PRRT3: variants seen among roughly 807,000 people sequenced by gnomAD.
PRRT3 encodes proline-rich transmembrane protein 3.
Under a neutral mutation model 56.6 loss-of-function variants are expected in PRRT3, and 48 were observed. The ratio of observed to expected loss-of-function variants is 0.85; its 90% CI spans 0.67 to 1.08. The LOEUF is 1.08. PRRT3 is among the 50% of genes least tolerant of loss of function. The probability of loss-of-function intolerance (pLI) is 0.00; values close to 1 mark genes in which losing one functional copy is unlikely to be tolerated. For synonymous variants in PRRT3, 641 were observed against 619.1 expected (o/e 1.04, Z -0.52); for missense variants, 1,370 against 1,353.1 (o/e 1.01, Z -0.20).
At position 9,946,412 on chromosome 3, in the gene PRRT3, G is replaced by A. The variant is rs927770177; in HGVS notation, c.2761C>T (p.His921Tyr). 1.2e-6 allele frequency: 2 copies of A among 1,605,224 alleles called. No individual in the cohort carries two copies. The highest frequency in any genetic ancestry group is 1.3e-5 in the African/African-American group (1 of 74,758). Residue 921 changes from histidine (H) to tyrosine (Y), a missense_variant, in exon 4 of 4, where the codon CAC becomes TAC. His to Tyr is a moderately conservative substitution (Grantham distance 83, BLOSUM62 2). Transcript: ENST00000412055. The surrounding 1 kb of genome is among the most constrained non-coding windows in gnomAD (Gnocchi z 4.1). The part of the protein sequence containing the change: ...SLKISWNPWR[H>Y]GLSSVDSLPL... ...AGACTGTCCACTGATGACAGCCCGT[G>A]GCGCCAGGGGTTCCAACTGATCTTG...
rs772644174 is a variant in PRRT3, at chr3:9,946,485, G to T, written c.2688C>A (p.Ala896=). ...QHVVEAPDGA[A]AAASGSSLDS... is the part of the protein sequence containing the mutation. ...CGAGGGAGCTGCCAGAAGCCGCAGC[G>T]GCTGCCCCGTCGGGTGCTTCCACTA... is the stretch of plus-strand genomic sequence containing the variant. The change falls in exon 4 of 4, where the codon GCC becomes GCA. Residue 896 remains alanine (A), a synonymous_variant. Coordinates refer to ENST00000412055, the MANE Select transcript of PRRT3 (RefSeq NM_207351.5). This position sits in a 1 kb window ranked among gnomAD's most constrained non-coding sequence, Gnocchi z 4.1. 3.2e-6 allele frequency: 5 copies of T among 1,551,642 alleles called. No homozygotes were observed. In the African/African-American group the frequency reaches 5.5e-5, roughly 17 times the overall value.
chr3:9,946,277 C>G lies in PRRT3; in HGVS notation c.2896G>C (p.Gly966Arg), dbSNP rs968452753. The change falls in exon 4 of 4, where the codon GGC becomes CGC. Residue 966 changes from glycine to arginine, a missense_variant. Gly to Arg is a moderately radical substitution (Grantham distance 125). Transcript: ENST00000412055. The surrounding 1 kb of genome is among the most constrained non-coding windows in gnomAD (Gnocchi z 4.1). Reference sequence around the variant, plus strand: ...GCGCTGCGGGATTCCCCAGGCTTGCCGCGCGGCTGGACCTCTCCCTGGCCG... The same window carrying G: ...GCGCTGCGGGATTCCCCAGGCTTGCGGCGCGGCTGGACCTCTCCCTGGCCG... Reference protein sequence around the residue: ...GDGQGEVQPRGKPGESRSASS... With the variant: ...GDGQGEVQPRRKPGESRSASS... 3.1e-6 allele frequency: 5 copies of G among 1,612,542 alleles called. No individual in the cohort carries two copies. The African/African-American group carries it at 5.3e-5, about 17-fold the overall frequency.
chr3:9,950,610 C>A (rs985686016), intron 1 of PRRT3, among the ~76,000 whole-genome samples: 2 of 152,238 alleles, frequency 1.3e-5, no homozygotes, highest in African/African-American at 4.8e-5. Flanking sequence ...TCAAGTGATT[C>A]TCCTGCCTCA....
Position 9,946,577 on chromosome 3 carries a change from A to C in PRRT3, c.2596T>G (p.Ser866Ala). 1.4e-6 allele frequency: 2 copies of C among 1,409,900 alleles called. No homozygotes were observed. Among genetic ancestry groups the C allele is most frequent in the Non-Finnish European group, 1.8e-6 (2 of 1,084,394 alleles). The allele number at this position is 1,409,900 out of a possible 1,614,324, so 87.3% of individuals were successfully genotyped here. A position where few individuals can be genotyped will look rare whatever the true frequency, so the allele number is the denominator to read the frequency against. The change falls in exon 4 of 4, where the codon TCG becomes GCG. Residue 866 changes from serine to alanine, a missense_variant. Coordinates refer to ENST00000412055, the MANE Select transcript of PRRT3 (RefSeq NM_207351.5). This position sits in a 1 kb window ranked among gnomAD's most constrained non-coding sequence, Gnocchi z 4.1. ...GACCTGCAGCGGCCGCGGAGGAGCG[A>C]GGAGCCAGCGTCGTCGAGCTCGGCT... ...PKAELDDAGS[S>A]LLRGRCRSLS...
chr3:9,949,437 C>A lies in PRRT3; in HGVS notation c.679G>T (p.Gly227Cys), dbSNP rs762073887. Residue 227 changes from glycine (G) to cysteine (C), a missense_variant, in exon 2 of 4, where the codon GGT becomes TGT. Transcript: ENST00000412055. This position sits in a 1 kb window ranked among gnomAD's most constrained non-coding sequence, Gnocchi z 4.5. Reference sequence around the variant, plus strand: ...TCCTGCAAGTGTTCCTCAAACCCACCCTGTCCTTCCAGCACTGGCCTCTTG... The same window carrying A: ...TCCTGCAAGTGTTCCTCAAACCCACACTGTCCTTCCAGCACTGGCCTCTTG... ...TVKRPVLEGQGGFEEHLQEAA... is the reference protein window; with the variant it reads ...TVKRPVLEGQCGFEEHLQEAA... The A allele has an allele frequency of 2.9e-5, 47 of 1,613,998 alleles. No individual in the cohort carries two copies. The highest frequency in any genetic ancestry group is 3.9e-5 in the Non-Finnish European group (46 of 1,180,016).
chr3:9,952,368 C>G lies in PRRT3; in HGVS notation c.-104G>C, dbSNP rs1248575463. Reference sequence around the variant, plus strand: ...TTCACCTTGCGCGCGTCCCTGCAGCCGATCGCCGCGCCGCATCCTCCGAGA... The same window carrying G: ...TTCACCTTGCGCGCGTCCCTGCAGCGGATCGCCGCGCCGCATCCTCCGAGA... On this transcript the variant is annotated 5_prime_UTR_variant, in exon 1 of 4. Transcript: ENST00000412055. 1.3e-5 allele frequency: 2 copies of G among 152,258 alleles called. No homozygotes were observed. Among genetic ancestry groups the G allele is most frequent in the East Asian group, 1.9e-4 (1 of 5,196 alleles). The allele number at this position is 152,258 out of a possible 1,614,324, so 9.4% of individuals were successfully genotyped here. A position where few individuals can be genotyped will look rare whatever the true frequency, so the allele number is the denominator to read the frequency against.
rs145287065 is a variant in PRRT3, at chr3:9,948,610, G to A, written c.1171+148C>T. ...CAGTGAGTATGAATTTATTATCCTA[G>A]GTTGTTTGAAGGAGGCCCTGGGCAA... On this transcript the variant is annotated intron_variant, in intron 3 of 3. Transcript: ENST00000412055. 5.6e-3 allele frequency: 4,645 copies of A among 831,442 alleles called. 24 individuals are homozygous for A. Among genetic ancestry groups the A allele is most frequent in the Non-Finnish European group, 7.9e-3 (4,043 of 512,080 alleles). The allele number at this position is 831,442 out of a possible 1,614,324, so 51.5% of individuals were successfully genotyped here.
chr3:9,945,665 C>T lies in PRRT3; in HGVS notation c.*562G>A, dbSNP rs1326571306. 6.5e-6 allele frequency: 1 copy of T among 153,754 alleles called. No individual in the cohort carries two copies. Among genetic ancestry groups the T allele is most frequent in the Non-Finnish European group, 1.5e-5 (1 of 68,450 alleles). 9.5% of individuals were successfully genotyped at this position (153,754 alleles called of 1,614,324 possible). On this transcript the variant is annotated 3_prime_UTR_variant, in exon 4 of 4. Transcript: ENST00000412055. ...TTCTTCATGCCCGAATCCATGCACA[C>T]CCACCCTGTATTCCGCATAAGACAC... is the stretch of plus-strand genomic sequence containing the variant.
rs1432374761 is a variant in PRRT3, at chr3:9,947,237, G to A, written c.1936C>T (p.Leu646=). The A allele has an allele frequency of 6.7e-7, 1 of 1,491,642 alleles. No homozygotes were observed. Among genetic ancestry groups the A allele is most frequent in the Non-Finnish European group, 8.9e-7 (1 of 1,128,860 alleles). 92.4% of individuals were successfully genotyped at this position (1,491,642 alleles called of 1,614,324 possible). Residue 646 remains leucine (L), a synonymous_variant, in exon 4 of 4, where the codon CTG becomes TTG. Transcript: ENST00000412055. This position sits in a 1 kb window ranked among gnomAD's most constrained non-coding sequence, Gnocchi z 9.2. ...TGCAAGCCGCTAGCCAGCAGCCCCA[G>A]CGCGCCCGCCACAGCCAACAGCCGA... ...GPRLLAVAGA[L]GLLASGLQLA...
chr3:9,950,146 C>A lies in PRRT3; in HGVS notation c.-31G>T. On this transcript the variant is annotated 5_prime_UTR_variant, in exon 2 of 4. Transcript: ENST00000412055. ...ACTCCGATGCCTGGGCCTAAAGCCCCCACCTTCCAGTCCTCACTGGATGAG... is the reference window on the plus strand; with the variant it reads ...ACTCCGATGCCTGGGCCTAAAGCCCACACCTTCCAGTCCTCACTGGATGAG... 7.2e-7 allele frequency: 1 copy of A among 1,396,624 alleles called. No individual in the cohort carries two copies. The highest frequency in any genetic ancestry group is 9.3e-7 in the Non-Finnish European group (1 of 1,069,994). The allele number at this position is 1,396,624 out of a possible 1,614,324, so 86.5% of individuals were successfully genotyped here. A position where few individuals can be genotyped will look rare whatever the true frequency, so the allele number is the denominator to read the frequency against.
At position 9,947,663 on chromosome 3, in the gene PRRT3, A is replaced by G. The variant is rs749676388; in HGVS notation, c.1510T>C (p.Leu504=). Residue 504 remains leucine (L), a synonymous_variant, in exon 4 of 4, where the codon TTG becomes CTG. Transcript: ENST00000412055. This position sits in a 1 kb window ranked among gnomAD's most constrained non-coding sequence, Gnocchi z 9.2. ...AAAPAGPRLA[L]VAAVLVLVAS... The stretch of plus-strand genomic sequence containing the variant: ...ACGAGCACCAGCACCGCGGCCACCA[A>G]TGCCAGCCGGGGCCCTGCTGGGGCG... 5 of 1,568,022 alleles carry G rather than the reference A, an allele frequency of 3.2e-6. No homozygotes were observed. Among genetic ancestry groups the G allele is most frequent in the Middle Eastern group, 1.7e-4 (1 of 5,922 alleles).
Position 9,949,145 on chromosome 3 carries a change from G to A in PRRT3, c.971C>T (p.Thr324Met), listed in dbSNP as rs560402876. ...AGGAGCCTCTGAGGCGGGTGGATCC[G>A]TGGGCTGGGGTCCTGGTGAATCCTT... Reference protein sequence around the residue: ...DAKDSPGPQPTDPPASEAPDR... With the variant: ...DAKDSPGPQPMDPPASEAPDR... The change falls in exon 2 of 4, where the codon ACG becomes ATG. Residue 324 changes from threonine (T) to methionine (M), a missense_variant. Transcript: ENST00000412055. The surrounding 1 kb of genome is among the most constrained non-coding windows in gnomAD (Gnocchi z 4.5). 2.2e-5 allele frequency: 36 copies of A among 1,611,240 alleles called. No homozygotes were observed. In the Admixed American group the frequency reaches 2.5e-4, roughly 11 times the overall value.
rs768930224 is a variant in PRRT3 at position 9,947,510 on chromosome 3, G to A, written c.1663C>T (p.Leu555=). Reference sequence around the variant, plus strand: ...CCCGCGCCCAGGCCGAGCAGAGTCAGGGCTGCCAGCGCCGTAAGCAGCAAG... The same window carrying A: ...CCCGCGCCCAGGCCGAGCAGAGTCAAGGCTGCCAGCGCCGTAAGCAGCAAG... ...FPLLLTALAA[L]TLLGLGAGLP... The change falls in exon 4 of 4, where the codon CTG becomes TTG. Residue 555 remains leucine (L), a synonymous_variant. Transcript: ENST00000412055. The surrounding 1 kb of genome is among the most constrained non-coding windows in gnomAD (Gnocchi z 9.2). 3 of 1,611,892 alleles carry A rather than the reference G, an allele frequency of 1.9e-6. No individual in the cohort carries two copies. The highest frequency in any genetic ancestry group is 2.2e-5 in the South Asian group (2 of 91,040).
rs1269932291 is a variant in PRRT3 at position 9,946,368 on chromosome 3, G to A, written c.2805C>T (p.Pro935=). 1 of 1,609,834 alleles carries A rather than the reference G, an allele frequency of 6.2e-7. No homozygotes were observed. Among genetic ancestry groups the A allele is most frequent in the Non-Finnish European group, 8.5e-7 (1 of 1,177,976 alleles). ...SVDSLPLDEL[P]STVQLLPAPT... is the part of the protein sequence containing the mutation. Reference sequence around the variant, plus strand: ...GGGCAGGCAGTAGCTGTACCGTGCTGGGCAACTCATCTAGGGGCAGACTGT... The same window carrying A: ...GGGCAGGCAGTAGCTGTACCGTGCTAGGCAACTCATCTAGGGGCAGACTGT... The change falls in exon 4 of 4, where the codon CCC becomes CCT. Residue 935 remains proline (P), a synonymous_variant. Transcript: ENST00000412055. This position sits in a 1 kb window ranked among gnomAD's most constrained non-coding sequence, Gnocchi z 4.1.
At position 9,946,839 on chromosome 3, in the gene PRRT3, C is replaced by G. The variant is rs757915265; in HGVS notation, c.2334G>C (p.Leu778Phe). 1.1e-5 allele frequency: 17 copies of G among 1,540,084 alleles called. No homozygotes were observed. In the East Asian group the frequency reaches 3.6e-4, roughly 33 times the overall value. The stretch of plus-strand genomic sequence containing the variant: ...CCGGGCCACCCTGGGGTCCGCGACC[C>G]AACGACGCAGCCGAGCCCCAGGCGC... ...SSGAWGSAAS[L>F]GRGPQGGPGL... Residue 778 changes from leucine (L) to phenylalanine (F), a missense_variant, in exon 4 of 4, where the codon TTG (leucine) becomes TTC (phenylalanine). Physicochemically the swap from Leu to Phe is conservative, Grantham distance 22. Transcript: ENST00000412055. This position sits in a 1 kb window ranked among gnomAD's most constrained non-coding sequence, Gnocchi z 4.1.
At chr3:9,948,265 G>A (rs138421203) in intron 3 of PRRT3, 9 of 376,846 alleles carry the variant, frequency 2.4e-5, no homozygotes, top group African/African-American at 1.2e-4. Flanking sequence ...CACATGGGCT[G>A]CATATTAGAA....
rs779189978 is a variant in PRRT3 at position 9,946,428 on chromosome 3, A to G, written c.2745T>C (p.Ser915=). Residue 915 remains serine, a synonymous_variant, in exon 4 of 4, where the codon AGT becomes AGC. Transcript: ENST00000412055. The surrounding 1 kb of genome is among the most constrained non-coding windows in gnomAD (Gnocchi z 4.1). ...ACAGCCCGTGGCGCCAGGGGTTCCA[A>G]CTGATCTTGAGTGAACCCCTGGAGA... ...DSFSRGSLKI[S]WNPWRHGLSS... The G allele has an allele frequency of 7.5e-6, 12 of 1,600,692 alleles. No homozygotes were observed. The highest frequency in any genetic ancestry group is 1.3e-5 in the African/African-American group (1 of 74,564).
Position 9,950,174 on chromosome 3 carries a change from TA to T in PRRT3, c.-57-3del, listed in dbSNP as rs377564516. The stretch of plus-strand genomic sequence containing the variant: ...CCTTCCAGTCCTCACTGGATGAGCC[TA>T]AAAAAAAAACAGGGCATGGAATGAC... On this transcript the variant is annotated splice_polypyrimidine_tract_variant and splice_region_variant and intron_variant, in intron 1 of 3. Transcript: ENST00000412055. 0.011 allele frequency: 12,273 copies of T among 1,078,072 alleles called. 63 individuals are homozygous for T. The highest frequency in any genetic ancestry group is 0.034 in the African/African-American group (2,041 of 60,464). 66.8% of individuals were successfully genotyped at this position (1,078,072 alleles called of 1,614,324 possible). A position where few individuals can be genotyped will look rare whatever the true frequency, so the allele number is the denominator to read the frequency against.
Position 9,947,247 on chromosome 3 carries a change from C to G in PRRT3, c.1926G>C (p.Val642=). ...TAGCCAGCAGCCCCAGCGCGCCCGC[C>G]ACAGCCAACAGCCGAGGGCCCGGGC... ...DASPGPRLLA[V]AGALGLLASG... is the part of the protein sequence containing the mutation. Residue 642 remains valine (V), a synonymous_variant, in exon 4 of 4, where the codon GTG becomes GTC. Coordinates refer to ENST00000412055, the MANE Select transcript of PRRT3 (RefSeq NM_207351.5). The surrounding 1 kb of genome is among the most constrained non-coding windows in gnomAD (Gnocchi z 9.2). The G allele has an allele frequency of 1.3e-6, 2 of 1,502,666 alleles. No homozygotes were observed. The highest frequency in any genetic ancestry group is 1.8e-6 in the Non-Finnish European group (2 of 1,134,150). The allele number at this position is 1,502,666 out of a possible 1,614,324, so 93.1% of individuals were successfully genotyped here.
Sources: gnomAD v4.1 joint callset for allele counts (sites outside exome capture counted in the v4.1 genomes callset) on GRCh38, gnomAD v4.1.1 for gene constraint, Gnocchi (gnomAD v3.1) non-coding constraint, MANE v1.5 for transcripts, NCBI Gene and HGNC (gene_info 2026-07-23, HGNC 2026-07-21) for gene names.